The following ITGA2 variants were observed in gnomAD, a reference collection of about 807,000 sequenced individuals.
The protein encoded by ITGA2 is integrin alpha-2.
ITGA2 carries 101 observed loss-of-function variants against 146.3 expected under a neutral mutation model. The observed-to-expected ratio is 0.69, with a 90% confidence interval of 0.59 to 0.81. The LOEUF (loss-of-function observed/expected upper bound fraction) is 0.81, where lower values mean the gene tolerates loss of function less well. Ranked by LOEUF, ITGA2 falls within the 40% of genes least tolerant of loss-of-function variation. The pLI is 0.00. For synonymous variants in ITGA2, 477 were observed against 487.1 expected (o/e 0.98, Z 0.27); for missense variants, 1,281 against 1,402.7 (o/e 0.91, Z 1.39).
chr5:53,058,666 A>G, intron 10 of ITGA2, among the ~76,000 whole-genome samples: 1 of 151,588 alleles, frequency 6.6e-6, no homozygotes, highest in East Asian at 1.9e-4. Context: ...GGTGAGAGAG[A>G]TAGTGAAAGG....
At chr5:53,018,935 A>G (rs1031672964) in intron 1 of ITGA2, among the ~76,000 whole-genome samples, 4 of 151,966 alleles carry the variant, frequency 2.6e-5, no homozygotes, top group East Asian at 3.9e-4. Context: ...GTGGTGGTAC[A>G]CGCCTGTAAT....
rs750962881 is a variant in ITGA2 at position 53,083,325 on chromosome 5, A to C, written c.3145-15A>C. On this transcript the variant is annotated splice_polypyrimidine_tract_variant and intron_variant, in intron 26 of 29. Transcript: ENST00000296585. ...TAACTTGCTCTCTCTTTTACCTTTG[A>C]CTCAATACTATAAGAACTGCAGAAC... 1.3e-6 allele frequency: 2 copies of C among 1,496,418 alleles called. No homozygotes were observed. The highest frequency in any genetic ancestry group is 4.5e-5 in the East Asian group (2 of 44,206). 92.7% of individuals were successfully genotyped at this position (1,496,418 alleles called of 1,614,324 possible). A position where few individuals can be genotyped will look rare whatever the true frequency, so the allele number is the denominator to read the frequency against.
At chr5:53,086,847 C>A (rs1033290448) in intron 27 of ITGA2, 105 bp from the exon 28 acceptor site, 3 of 931,720 alleles carry the variant, frequency 3.2e-6, no homozygotes, top group African/African-American at 3.3e-5. Context: ...ACCATTTGCT[C>A]TTGTCACATT....
At chr5:53,013,909 G>A (rs3212404) in intron 1 of ITGA2, among the ~76,000 whole-genome samples, 13,438 of 151,910 alleles carry the variant, frequency 0.088, 787 homozygotes, top group East Asian at 0.21. Context: ...CAGCTTGGAC[G>A]TTATTGGTGT....
chr5:53,085,242 A>C (rs1454686396), intron 27 of ITGA2, among the ~76,000 whole-genome samples: 2 of 152,224 alleles, frequency 1.3e-5, no homozygotes, highest in African/African-American at 2.4e-5. Flanking sequence ...GATGTAGTGC[A>C]AGGCAACTTA....
At chr5:53,029,673 T>C (rs1743133084) in intron 2 of ITGA2, among the ~76,000 whole-genome samples, 1 of 152,222 alleles carries the variant, frequency 6.6e-6, no homozygotes, top group South Asian at 2.1e-4. Flanking sequence ...TACTTGTTTA[T>C]ATGCTCATTA....
rs35674544 is a variant in ITGA2, at chr5:53,013,374, CT to C, written c.65-13361del. Among the ~76,000 whole-genome samples the C allele has an allele frequency of 2.5e-3, 357 of 141,172 alleles. 1 individual carries two copies. The highest frequency in any genetic ancestry group is 4.0e-3 in the Admixed American group (56 of 14,102). 92.6% of individuals were successfully genotyped at this position (141,172 alleles called of 152,430 possible). On this transcript the variant is annotated intron_variant, in intron 1 of 29. Coordinates refer to ENST00000296585, the MANE Select transcript of ITGA2 (RefSeq NM_002203.4). ...TGGGCAGTCCTTTCCCTATTTCTTTCTTTTTTTTTTTTTGTCAACTTTGTCG... is the reference window on the plus strand; with the variant it reads ...TGGGCAGTCCTTTCCCTATTTCTTTCTTTTTTTTTTTTGTCAACTTTGTCG...
chr5:53,073,665 C>T (rs3212588), intron 20 of ITGA2, among the ~76,000 whole-genome samples: 13,832 of 151,864 alleles, frequency 0.091, 690 homozygotes, highest in Middle Eastern at 0.16. Context: ...CAACTAATCA[C>T]ATTGACTTGA....
At chr5:53,088,412 A>G (rs3212643) in intron 28 of ITGA2, among the ~76,000 whole-genome samples, 16,913 of 152,176 alleles carry the variant, frequency 0.11, 1,142 homozygotes, top group African/African-American at 0.18. Context: ...AAGGCTGGGC[A>G]CAGTGGCTCA....
intron 1 of ITGA2, among the ~76,000 whole-genome samples, chr5:53,007,877 G>C (rs1271922234): frequency 6.6e-6 from 1 of 152,146 alleles, no homozygotes; most frequent in Non-Finnish European, 1.5e-5. Context: ...AGTACTCCAG[G>C]ACTTGATGCA....
intron 9 of ITGA2, 78 bp from the exon 10 acceptor site, chr5:53,057,947 C>T (rs569686573): frequency 2.0e-6 from 2 of 975,994 alleles, no homozygotes; most frequent in Non-Finnish European, 3.3e-6. Context: ...CATGTGTGTA[C>T]ATACGTGCCT....
At chr5:53,019,295 TCACCTGTGAC>T (rs1742552905) in intron 1 of ITGA2, among the ~76,000 whole-genome samples, 1 of 152,122 alleles carries the variant, frequency 6.6e-6, no homozygotes, top group Non-Finnish European at 1.5e-5. Context: ...TTACCCACGG[TCACCTGTGAC>T]CTAAAAATAT....
chr5:53,083,659 A>C (rs1352598819), intron 27 of ITGA2, among the ~76,000 whole-genome samples: 1 of 152,146 alleles, frequency 6.6e-6, no homozygotes, highest in African/African-American at 2.4e-5. Flanking sequence ...GTCATCTGGG[A>C]TACTTGTGAA....
chr5:53,001,813 TAA>T (rs34186143), intron 1 of ITGA2, among the ~76,000 whole-genome samples: 79 of 110,284 alleles, frequency 7.2e-4, no homozygotes, highest in Middle Eastern at 9.8e-3. Flanking sequence ...AGGCCCTTTC[TAA>T]AAAAAAAAAA....
chr5:53,066,051 G>C, intron 15 of ITGA2, 74 bp downstream of exon 15: 1 of 1,384,992 alleles, frequency 7.2e-7, no homozygotes, highest in Non-Finnish European at 1.0e-6. Context: ...GTCTGTACTG[G>C]TATTATAGAA....
At position 53,048,657 on chromosome 5, in the gene ITGA2, A is replaced by G. The variant is rs55973669; in HGVS notation, c.517A>G (p.Ile173Val). The part of the protein sequence containing the change: ...SPATQPCPSL[I>V]DVVVVCDESN... ...TTCCTGTGTAGCCTGCCCTTCCCTC[A>G]TAGATGTTGTGGTTGTGTGTGATGA... The change falls in exon 6 of 30, where the codon ATA becomes GTA. Residue 173 changes from isoleucine (I) to valine (V), a missense_variant. This residue lies in a region of ITGA2 where 795 missense variants were observed against 841.7 expected (regional missense o/e 0.94). Transcript: ENST00000296585. The G allele has an allele frequency of 2.9e-3, 4,665 of 1,613,950 alleles. 15 individuals carry two copies. Among genetic ancestry groups the G allele is most frequent in the South Asian group, 9.7e-3 (887 of 91,072 alleles).
intron 12 of ITGA2, 87 bp from the exon 13 acceptor site, chr5:53,062,699 T>C: frequency 7.2e-7 from 1 of 1,395,138 alleles, no homozygotes; most frequent in Non-Finnish European, 1.0e-6. Context: ...AATTTTTGTG[T>C]ATTGAATGAG....
chr5:53,087,624 T>TAAA lies in ITGA2; in HGVS notation c.3348+597_3348+599dup, dbSNP rs772266428. Among the ~76,000 whole-genome samples the TAAA allele has an allele frequency of 5.8e-3, 688 of 118,130 alleles. 22 individuals carry two copies. Among genetic ancestry groups the TAAA allele is most frequent in the Admixed American group, 0.041 (498 of 12,108 alleles). The allele number at this position is 118,130 out of a possible 152,430, so 77.5% of individuals were successfully genotyped here. On this transcript the variant is annotated intron_variant, in intron 28 of 29. Coordinates refer to ENST00000296585, the MANE Select transcript of ITGA2 (RefSeq NM_002203.4). Reference sequence around the variant, plus strand: ...GGAGGACTATAAATGGTCCCCTTGATAAAAAAAAAAAAAAAAGCTTTTACA... The same window carrying TAAA: ...GGAGGACTATAAATGGTCCCCTTGATAAAAAAAAAAAAAAAAAAAGCTTTTACA...
At chr5:53,083,209 T>C (rs1746010295) in intron 26 of ITGA2, 131 bp from the exon 27 acceptor site, 1 of 683,202 alleles carries the variant, frequency 1.5e-6, no homozygotes, top group Non-Finnish European at 2.7e-6. Context: ...GAACTACTAA[T>C]AGCTCATGAG....
Sources: gnomAD v4.1 joint callset for allele counts (sites outside exome capture counted in the v4.1 genomes callset) on GRCh38, gnomAD v4.1.1 for gene constraint, gnomAD v4.1.1 regional missense constraint, MANE v1.5 for transcripts, NCBI Gene and HGNC (gene_info 2026-07-23, HGNC 2026-07-21) for gene names.